The following SRP14 variants were observed in gnomAD, a reference collection of about 807,000 sequenced individuals.
The protein encoded by SRP14 is signal recognition particle 14.
A neutral mutation model predicts 16.0 loss-of-function variants in SRP14; 1 was observed. That is an observed-to-expected ratio of 0.06 (90% CI 0.02 to 0.30). The LOEUF is 0.30. Among genes scored for constraint, SRP14 ranks in the 10% least tolerant of loss-of-function variants. The pLI is 1.00. For missense variants in SRP14, 120 were observed against 163.1 expected (o/e 0.74, Z 1.44); for synonymous variants, 67 against 60.1 (o/e 1.12, Z -0.53).
chr15:40,036,773 T>A, intron 4 of SRP14: 1 of 648,836 alleles, frequency 1.5e-6, no homozygotes, highest in Non-Finnish European at 2.6e-6. Flanking sequence ...AGGTAGCATA[T>A]ATCTACAGCC....
chr15:40,036,758 A>T, intron 4 of SRP14: 1 of 636,200 alleles, frequency 1.6e-6, no homozygotes, highest in South Asian at 2.0e-5. Flanking sequence ...GTTCAACTAT[A>T]GTATAGGTAG....
At position 40,039,166 on chromosome 15, in the gene SRP14, G is replaced by A. The variant is rs369869406; in HGVS notation, c.-50C>T. ...TCCGCTTAAGCCCCTAGCAGTGAGA[G>A]CCGGAAGTTCGGCCTAGGCTGGGCG... On this transcript the variant is annotated 5_prime_UTR_variant, in exon 1 of 5. Coordinates refer to ENST00000267884, the MANE Select transcript of SRP14 (RefSeq NM_003134.6). The A allele has an allele frequency of 9.1e-5, 145 of 1,591,998 alleles. 2 individuals are homozygous for A. In the African/African-American group the frequency reaches 1.8e-3, roughly 20 times the overall value.
chr15:40,037,868 A>G (rs1268717068), intron 3 of SRP14, among the ~76,000 whole-genome samples: 2 of 149,824 alleles, frequency 1.3e-5, no homozygotes, highest in Non-Finnish European at 1.5e-5. Context: ...CTAAATGTAT[A>G]TTTTCTCAAG....
At chr15:40,038,728 A>T in intron 2 of SRP14, 148 bp downstream of exon 2, 1 of 817,546 alleles carries the variant, frequency 1.2e-6, no homozygotes, top group Non-Finnish European at 1.9e-6. Context: ...TACAATCCCT[A>T]CTATTTTCCG....
chr15:40,037,293 A>AAAAAAAAAAAAAAAAAAAAAAC, intron 3 of SRP14: 1 of 1,355,272 alleles, frequency 7.4e-7, no homozygotes. Context: ...AAAAAAAAAA[A>AAAAAAAAAAAAAAAAAAAAAAC]AGCTTTGTTT....
Position 40,039,139 on chromosome 15 carries a change from C to G in SRP14, c.-23G>C. On this transcript the variant is annotated 5_prime_UTR_variant, in exon 1 of 5. Coordinates refer to ENST00000267884, the MANE Select transcript of SRP14 (RefSeq NM_003134.6). ...CATCGCGGCGACGCTGGCTCGACTC[C>G]CTCCGCTTAAGCCCCTAGCAGTGAG... 1 of 1,607,368 alleles carries G rather than the reference C, an allele frequency of 6.2e-7. No individual in the cohort carries two copies. Among genetic ancestry groups the G allele is most frequent in the Non-Finnish European group, 8.5e-7 (1 of 1,178,086 alleles).
intron 4 of SRP14, 42 bp downstream of exon 4, chr15:40,036,944 C>T: frequency 6.2e-7 from 1 of 1,609,924 alleles, no homozygotes; most frequent in South Asian, 1.1e-5. Flanking sequence ...CATACTGACT[C>T]TTGCCCTGAG....
intron 2 of SRP14, 61 bp downstream of exon 2, chr15:40,038,815 C>T (rs972381610): frequency 1.3e-6 from 2 of 1,573,920 alleles, no homozygotes; most frequent in African/African-American, 2.7e-5. Flanking sequence ...AGACAGACTC[C>T]GGTGGCTCCC....
In SRP14 at chr15:40,036,418, G is replaced by A; in HGVS notation, c.326C>T (p.Ala109Val). 1 of 1,614,182 alleles carries A rather than the reference G, an allele frequency of 6.2e-7. No individual in the cohort carries two copies. Among genetic ancestry groups the A allele is most frequent in the South Asian group, 1.1e-5 (1 of 91,082 alleles). The change falls in exon 5 of 5, where the codon GCA becomes GTA. Residue 109 changes from alanine (A) to valine (V), a missense_variant. Ala to Val is a moderately conservative substitution (Grantham distance 64, BLOSUM62 0). This residue lies in a region of SRP14 where 43 missense variants were observed against 37.0 expected (regional missense o/e 1.16). Coordinates refer to ENST00000267884, the MANE Select transcript of SRP14 (RefSeq NM_003134.6). ...AGGTGCTGCTGCTGCTGCTGCTGCT[G>A]CTGCTTTGGTCTTCTTAGTTTTGTT... ...KKNKTKKTKA[A>V]AAAAAAAPAA...
intron 4 of SRP14, 40 bp downstream of exon 4, chr15:40,036,946 T>C: frequency 6.2e-7 from 1 of 1,610,686 alleles, no homozygotes; most frequent in Non-Finnish European, 8.5e-7. Context: ...TACTGACTCT[T>C]GCCCTGAGAA....
Sources: gnomAD v4.1 joint callset for allele counts (sites outside exome capture counted in the v4.1 genomes callset) on GRCh38, gnomAD v4.1.1 for gene constraint, gnomAD v4.1.1 regional missense constraint, MANE v1.5 for transcripts, NCBI Gene and HGNC (gene_info 2026-07-23, HGNC 2026-07-21) for gene names.